COL5A2: variants seen among roughly 807,000 people sequenced by gnomAD.
COL5A2 encodes the protein collagen alpha-2(V) chain.
Under a neutral mutation model 208.2 loss-of-function variants are expected in COL5A2, and 23 were observed. The observed-to-expected ratio is 0.11, with a 90% CI of 0.08 to 0.16. The LOEUF (loss-of-function observed/expected upper bound fraction) is 0.16. Among genes scored for constraint, COL5A2 ranks in the 10% least tolerant of loss-of-function variants. COL5A2 has a pLI of 1.00. For synonymous variants in COL5A2, 625 were observed against 628.5 expected, an observed-to-expected ratio of 0.99 and a Z score of 0.08; for missense variants, 1,590 against 1,956.4, an observed-to-expected ratio of 0.81 and a Z score of 3.53.
intron 51 of COL5A2, among the ~76,000 whole-genome samples, chr2:189,038,339 T>G (rs1277000827): frequency 6.6e-6 from 1 of 152,230 alleles, no homozygotes; most frequent in Non-Finnish European, 1.5e-5. Flanking sequence ...GCTGCATCCA[T>G]GTTGCTGCAA....
At chr2:189,206,423 T>C (rs1410047831) in intron 1 of COL5A2, among the ~76,000 whole-genome samples, 1 of 152,226 alleles carries the variant, frequency 6.6e-6, no homozygotes, top group African/African-American at 2.4e-5. Context: ...GCTACATGTG[T>C]GTGCCCTTTA....
intron 11 of COL5A2, among the ~76,000 whole-genome samples, chr2:189,084,916 T>A (rs1318741758): frequency 6.6e-6 from 1 of 152,112 alleles, no homozygotes; most frequent in Non-Finnish European, 1.5e-5. Context: ...AATGGAGAAA[T>A]CTTAACAAAA....
At chr2:189,116,511 C>T (rs1687394003) in intron 1 of COL5A2, among the ~76,000 whole-genome samples, 1 of 152,150 alleles carries the variant, frequency 6.6e-6, no homozygotes, top group Non-Finnish European at 1.5e-5. Context: ...TATGAAGCCA[C>T]CAGGGATACC....
the COL5A2 span, among the ~76,000 whole-genome samples, chr2:189,352,378 C>T: frequency 6.6e-6 from 1 of 152,292 alleles, no homozygotes; most frequent in East Asian, 1.9e-4. Flanking sequence ...AATTGCCACA[C>T]TGTCTTCCAA....
At chr2:189,294,161 A>G in the COL5A2 span, among the ~76,000 whole-genome samples, 2 of 151,486 alleles carry the variant, frequency 1.3e-5, no homozygotes, top group East Asian at 3.9e-4. Flanking sequence ...GGCTGATAGC[A>G]CACTATTGCT....
chr2:189,366,427 T>A, the COL5A2 span, among the ~76,000 whole-genome samples: 1 of 152,226 alleles, frequency 6.6e-6, no homozygotes, highest in Non-Finnish European at 1.5e-5. Context: ...CATTGACATC[T>A]GGTAATTACA....
chr2:189,035,319 T>C (rs1685422851), intron 52 of COL5A2, among the ~76,000 whole-genome samples, 164 bp from the exon 53 acceptor site: 1 of 152,112 alleles, frequency 6.6e-6, no homozygotes, highest in Non-Finnish European at 1.5e-5. Context: ...CATCTAAACA[T>C]ATCTTAAAAT....
chr2:189,060,531 G>A (rs1686006756), intron 31 of COL5A2, among the ~76,000 whole-genome samples, 199 bp downstream of exon 31: 1 of 152,156 alleles, frequency 6.6e-6, no homozygotes, highest in South Asian at 2.1e-4. Flanking sequence ...GTGACTTTGG[G>A]AAAGTTATCT....
chr2:189,106,581 C>A (rs1687152888), intron 2 of COL5A2, among the ~76,000 whole-genome samples: 2 of 150,484 alleles, frequency 1.3e-5, no homozygotes, highest in Admixed American at 1.3e-4. Flanking sequence ...AGTTTTGAAA[C>A]CTCTGATTTC....
chr2:189,062,482 C>T (rs1439648096), intron 29 of COL5A2, among the ~76,000 whole-genome samples: 1 of 151,848 alleles, frequency 6.6e-6, no homozygotes, highest in Non-Finnish European at 1.5e-5. Context: ...CCATGCCCGG[C>T]CTTACATAAA....
chr2:189,090,715 C>T lies in COL5A2; in HGVS notation c.567+1595G>A, dbSNP rs183960974. 1.5e-4 allele frequency among the ~76,000 whole-genome samples: 23 copies of T among 152,296 alleles called. No homozygotes were observed. In the East Asian group the frequency reaches 4.2e-3, roughly 28 times the overall value. On this transcript the variant is annotated intron_variant, in intron 7 of 53. Transcript: ENST00000374866. ...CCTTAGGAATTATGATAAAACAACTCTGCCTGTACCCTATAAATGGAACAA... is the reference window on the plus strand; with the variant it reads ...CCTTAGGAATTATGATAAAACAACTTTGCCTGTACCCTATAAATGGAACAA...
chr2:189,423,924 T>C, the COL5A2 span, among the ~76,000 whole-genome samples: 1 of 149,898 alleles, frequency 6.7e-6, no homozygotes, highest in Non-Finnish European at 1.5e-5. Flanking sequence ...CCAACATCCC[T>C]GAGGAACAAA....
At chr2:189,415,896 G>A in the COL5A2 span, among the ~76,000 whole-genome samples, 18 of 152,236 alleles carry the variant, frequency 1.2e-4, no homozygotes, top group Admixed American at 4.6e-4. Flanking sequence ...TCCTGACCTC[G>A]TGATCCTCCC....
chr2:189,138,362 A>T (rs1047095609), intron 1 of COL5A2, among the ~76,000 whole-genome samples: 1 of 152,068 alleles, frequency 6.6e-6, no homozygotes, highest in African/African-American at 2.4e-5. Flanking sequence ...TTCTGTTTAT[A>T]TATCACATAT....
chr2:189,152,696 G>A (rs1576559110), intron 1 of COL5A2, among the ~76,000 whole-genome samples: 1 of 152,198 alleles, frequency 6.6e-6, no homozygotes, highest in East Asian at 1.9e-4. Flanking sequence ...GGCTTTTTCT[G>A]GCCCAGGACC....
At chr2:189,404,118 T>A in the COL5A2 span, among the ~76,000 whole-genome samples, 2 of 152,162 alleles carry the variant, frequency 1.3e-5, no homozygotes, top group East Asian at 3.8e-4. Flanking sequence ...CATGATCACA[T>A]GAGTGATATG....
At chr2:189,354,449 A>G in the COL5A2 span, among the ~76,000 whole-genome samples, 1 of 152,142 alleles carries the variant, frequency 6.6e-6, no homozygotes, top group South Asian at 2.1e-4. Flanking sequence ...TACTGCCTCA[A>G]TTTCAGAACT....
chr2:189,111,860 T>C (rs1687269330), intron 1 of COL5A2, among the ~76,000 whole-genome samples: 1 of 148,416 alleles, frequency 6.7e-6, no homozygotes, highest in South Asian at 2.2e-4. Flanking sequence ...CTGTATTTCT[T>C]TTCTTTTTTT....
intron 1 of COL5A2, among the ~76,000 whole-genome samples, chr2:189,151,608 T>G (rs984253566): frequency 6.6e-6 from 1 of 152,198 alleles, no homozygotes; most frequent in African/African-American, 2.4e-5. Context: ...TCTTCCATGA[T>G]AAGTTGCCAA....
Sources: gnomAD v4.1 joint callset for allele counts (sites outside exome capture counted in the v4.1 genomes callset) on GRCh38, gnomAD v4.1.1 for gene constraint, MANE v1.5 for transcripts, NCBI Gene and HGNC (gene_info 2026-07-23, HGNC 2026-07-21) for gene names.